Variants in IFT56 observed in about 807,000 individuals in gnomAD.
IFT56 encodes the protein intraflagellar transport protein 56.
At chr7:139,171,447 C>T in the IFT56 span, among the ~76,000 whole-genome samples, 1 of 152,292 alleles carries the variant, frequency 6.6e-6, no homozygotes, top group South Asian at 2.1e-4. Context: ...AATTATACCT[C>T]AGAGCTATAG....
At chr7:139,174,991 A>G in the IFT56 span, among the ~76,000 whole-genome samples, 2 of 151,926 alleles carry the variant, frequency 1.3e-5, no homozygotes, top group Non-Finnish European at 2.9e-5. Context: ...ATCACACTAC[A>G]GTCTGGACAA....
At chr7:139,172,870 G>T in the IFT56 span, 1 of 691,006 alleles carries the variant, frequency 1.4e-6, no homozygotes, top group Non-Finnish European at 2.8e-6. Context: ...AGGAGTCAGA[G>T]GAATAGGTGA....
chr7:139,149,253 C>T, the IFT56 span, among the ~76,000 whole-genome samples: 4 of 148,382 alleles, frequency 2.7e-5, no homozygotes, highest in East Asian at 4.0e-4. Flanking sequence ...TTCAGTGAGC[C>T]GAGATGGTGC....
At chr7:139,173,287 G>C in the IFT56 span, 7 of 465,890 alleles carry the variant, frequency 1.5e-5, no homozygotes, top group African/African-American at 1.4e-4. Context: ...GAGTGCAGTG[G>C]TGTGATCTCG....
At chr7:139,171,032 C>A in the IFT56 span, among the ~76,000 whole-genome samples, 1 of 152,112 alleles carries the variant, frequency 6.6e-6, no homozygotes, top group Non-Finnish European at 1.5e-5. Context: ...AAACAAAAAT[C>A]GTTGGCATTT....
the IFT56 span, among the ~76,000 whole-genome samples, chr7:139,165,997 G>A: frequency 7.9e-5 from 12 of 151,930 alleles, no homozygotes; most frequent in African/African-American, 2.2e-4. Context: ...TTACTCTGTC[G>A]CCCAGGCTGG....
the IFT56 span, chr7:139,187,666 A>T: frequency 2.5e-6 from 3 of 1,222,826 alleles, no homozygotes; most frequent in Non-Finnish European, 3.4e-6. Context: ...GATGAAAAAA[A>T]GGTTGATATT....
At chr7:139,148,489 A>G in the IFT56 span, 1 of 976,320 alleles carries the variant, frequency 1.0e-6, no homozygotes, top group Non-Finnish European at 1.5e-6. Flanking sequence ...ATATCCCTTT[A>G]TCATTGCCAC....
the IFT56 span, among the ~76,000 whole-genome samples, chr7:139,159,751 G>C: frequency 6.6e-6 from 1 of 152,056 alleles, no homozygotes. Flanking sequence ...GTTTTTTAAA[G>C]TAAAAAAATA....
the IFT56 span, among the ~76,000 whole-genome samples, chr7:139,154,353 CTTT>C: frequency 7.6e-6 from 1 of 131,748 alleles, no homozygotes. Flanking sequence ...CAAAGTTATC[CTTT>C]TTTTTTTTTT....
chr7:139,153,675 A>G, the IFT56 span, among the ~76,000 whole-genome samples: 4 of 152,144 alleles, frequency 2.6e-5, no homozygotes, highest in Non-Finnish European at 5.9e-5. Flanking sequence ...ATTCATTTTT[A>G]TGACCAAATA....
At chr7:139,159,779 T>C in the IFT56 span, among the ~76,000 whole-genome samples, 1 of 152,198 alleles carries the variant, frequency 6.6e-6, no homozygotes, top group African/African-American at 2.4e-5. Context: ...CAATGTGTAG[T>C]GGGGTTTATT....
the IFT56 span, among the ~76,000 whole-genome samples, chr7:139,145,225 T>A: frequency 6.6e-6 from 1 of 152,050 alleles, no homozygotes; most frequent in Non-Finnish European, 1.5e-5. Context: ...TATTTTTTTG[T>A]CCATTAAGCC....
the IFT56 span, among the ~76,000 whole-genome samples, chr7:139,159,528 G>A: frequency 6.6e-6 from 1 of 152,042 alleles, no homozygotes; most frequent in African/African-American, 2.4e-5. Flanking sequence ...GCTGATTGTG[G>A]GAAGGGTCTT....
the IFT56 span, chr7:139,189,229 A>G: frequency 2.3e-6 from 2 of 876,824 alleles, no homozygotes; most frequent in Non-Finnish European, 3.5e-6. Context: ...GCCCTACAAG[A>G]CATACAGTAT....
chr7:139,177,357 C>A, the IFT56 span, among the ~76,000 whole-genome samples: 2 of 151,084 alleles, frequency 1.3e-5, no homozygotes, highest in Non-Finnish European at 2.9e-5. Context: ...TAACTCCCAC[C>A]CTTGCCACAG....
At chr7:139,142,222 G>T in the IFT56 span, 1 of 1,612,770 alleles carries the variant, frequency 6.2e-7, no homozygotes, top group Non-Finnish European at 8.5e-7. Context: ...AGACTGTTGA[G>T]TTCTTTAATA....
the IFT56 span, chr7:139,189,413 A>G: frequency 6.2e-7 from 1 of 1,612,926 alleles, no homozygotes; most frequent in Non-Finnish European, 8.5e-7. Flanking sequence ...TGGGCCAAAG[A>G]AAACAGAGTG....
chr7:139,135,296 A>C, the IFT56 span, among the ~76,000 whole-genome samples: 3 of 108,134 alleles, frequency 2.8e-5, no homozygotes, highest in East Asian at 3.6e-4. Flanking sequence ...AAAAAAAAAA[A>C]AACAAAACAA....
Sources: gnomAD v4.1 joint callset for allele counts (sites outside exome capture counted in the v4.1 genomes callset) on GRCh38, gnomAD v4.1.1 for gene constraint, MANE v1.5 for transcripts, NCBI Gene and HGNC (gene_info 2026-07-23, HGNC 2026-07-21) for gene names.